The following RP1 variants were observed in gnomAD, a reference collection of about 807,000 sequenced individuals.
The protein encoded by RP1 is oxygen-regulated protein 1.
In RP1, 16 loss-of-function variants were observed where a neutral mutation model predicts 14.8. That is an observed-to-expected ratio of 1.08 (90% CI 0.73 to 1.65). The LOEUF (loss-of-function observed/expected upper bound fraction) is 1.65, where lower values mean the gene tolerates loss of function less well. RP1 is among the 40% of genes most tolerant of loss of function. The pLI is 0.00. For missense variants in RP1, 2,631 were observed against 2,535.0 expected, an observed-to-expected ratio of 1.04 and a Z score of -0.81; for synonymous variants, 876 against 883.6, an observed-to-expected ratio of 0.99 and a Z score of 0.15.
In RP1 at chr8:54,574,277, G is replaced by C. The variant is rs1018958123; in HGVS notation, c.-13+14957G>C. 1.3e-4 allele frequency among the ~76,000 whole-genome samples: 20 copies of C among 152,174 alleles called. 1 individual carries two copies. Among genetic ancestry groups the C allele is most frequent in the African/African-American group, 4.6e-4 (19 of 41,454 alleles). ...GCTCCAGGTGTCATGAAACAACTGTGAAAGAATGCTATTGGGAGCCGAAGC... is the reference window on the plus strand; with the variant it reads ...GCTCCAGGTGTCATGAAACAACTGTCAAAGAATGCTATTGGGAGCCGAAGC... On this transcript the variant is annotated intron_variant, in intron 1 of 22. Coordinates refer to the RP1 transcript ENST00000636932.
chr8:54,758,869 TGCC>T, intron 21 of RP1: 11 of 1,511,814 alleles, frequency 7.3e-6, no homozygotes, highest in Non-Finnish European at 9.7e-6. Flanking sequence ...GCATTTGTCA[TGCC>T]TCGGACTCTA....
At chr8:54,568,274 G>A (rs922225629) in intron 1 of RP1, among the ~76,000 whole-genome samples, 6 of 152,188 alleles carry the variant, frequency 3.9e-5, no homozygotes, top group Admixed American at 2.6e-4. Flanking sequence ...TGGGAAATAT[G>A]CATGGATTAG....
intron 12 of RP1, among the ~76,000 whole-genome samples, chr8:54,680,971 A>G (rs181305119): frequency 9.2e-4 from 139 of 151,834 alleles, no homozygotes; most frequent in African/African-American, 3.3e-3. Context: ...CAAAAAAAAA[A>G]AACAAAAAAG....
At chr8:54,597,655 C>T (rs1805179438) in intron 1 of RP1, among the ~76,000 whole-genome samples, 1 of 152,144 alleles carries the variant, frequency 6.6e-6, no homozygotes, top group East Asian at 1.9e-4. Flanking sequence ...CAAGTTTCCA[C>T]TAAAAAGAAG....
intron 3 of RP1, chr8:54,648,879 A>T: frequency 1.5e-6 from 1 of 650,424 alleles, no homozygotes; most frequent in Non-Finnish European, 2.3e-6. Context: ...GATGAAGAAT[A>T]AGTTTTGTCT....
chr8:54,757,896 T>C (rs189107864), intron 21 of RP1, among the ~76,000 whole-genome samples: 2 of 152,318 alleles, frequency 1.3e-5, no homozygotes, highest in East Asian at 3.9e-4. Context: ...CATCATCTGG[T>C]TTACAGAACC....
At chr8:54,652,225 C>T (rs1233094082) in intron 4 of RP1, among the ~76,000 whole-genome samples, 1 of 152,148 alleles carries the variant, frequency 6.6e-6, no homozygotes, top group Non-Finnish European at 1.5e-5. Context: ...CCAGGCTGGT[C>T]TTGAACTCCT....
chr8:54,565,386 G>A (rs1804380600), intron 1 of RP1, among the ~76,000 whole-genome samples: 1 of 152,252 alleles, frequency 6.6e-6, no homozygotes, highest in East Asian at 1.9e-4. Flanking sequence ...CCAACAGGGC[G>A]AAACTCCGCC....
In RP1 at chr8:54,789,155, C is replaced by G. The variant is rs575448705; in HGVS notation, c.3615+5445C>G. Among the ~76,000 whole-genome samples, 208 of 152,274 alleles carry G rather than the reference C, an allele frequency of 1.4e-3. 1 individual carries two copies. Among genetic ancestry groups the G allele is most frequent in the African/African-American group, 4.9e-3 (203 of 41,564 alleles). ...AAGCATGGCAGGGGTTCACAGCAAC[C>G]AGTGCACAGAACTTGGCGATAGCAC... is the stretch of plus-strand genomic sequence containing the variant. On this transcript the variant is annotated intron_variant, in intron 24 of 28. Transcript: ENST00000637698.
chr8:54,796,101 T>C (rs1178968628), intron 24 of RP1, among the ~76,000 whole-genome samples: 1 of 152,176 alleles, frequency 6.6e-6, no homozygotes, highest in Non-Finnish European at 1.5e-5. Flanking sequence ...GGACAGATAG[T>C]GCAGTGATAG....
At chr8:54,759,555 C>G (rs558636961) in intron 22 of RP1, among the ~76,000 whole-genome samples, 1 of 152,302 alleles carries the variant, frequency 6.6e-6, no homozygotes, top group East Asian at 1.9e-4. Context: ...GAAAGCAGCT[C>G]TCTAAATTCC....
In RP1 at chr8:54,794,446, T is replaced by C. The variant is rs1175360635; in HGVS notation, c.3615+10736T>C. 2.6e-5 allele frequency among the ~76,000 whole-genome samples: 4 copies of C among 151,596 alleles called. 1 individual carries two copies. Among genetic ancestry groups the C allele is most frequent in the Non-Finnish European group, 5.9e-5 (4 of 67,880 alleles). ...ACGACCGTTTGTCAATATTTGACAATGTTTGTCAATATTTGACAAGGGCAC... is the reference window on the plus strand; with the variant it reads ...ACGACCGTTTGTCAATATTTGACAACGTTTGTCAATATTTGACAAGGGCAC... On this transcript the variant is annotated intron_variant, in intron 24 of 28. Transcript: ENST00000637698.
intron 21 of RP1, chr8:54,758,878 C>T: frequency 9.8e-6 from 15 of 1,528,306 alleles, no homozygotes; most frequent in Non-Finnish European, 1.2e-5. Context: ...ATGCCTCGGA[C>T]TCTAGTTATT....
chr8:54,563,958 GT>G (rs1804345345), intron 1 of RP1, among the ~76,000 whole-genome samples: 1 of 152,200 alleles, frequency 6.6e-6, no homozygotes, highest in Non-Finnish European at 1.5e-5. Flanking sequence ...CAGCAGAAAT[GT>G]TGGCTATTTC....
intron 24 of RP1, among the ~76,000 whole-genome samples, chr8:54,791,249 A>G (rs2129384557): frequency 6.6e-6 from 1 of 152,234 alleles, no homozygotes; most frequent in Non-Finnish European, 1.5e-5. Flanking sequence ...TACCCACCAA[A>G]CTTGTCCTTC....
intron 18 of RP1, among the ~76,000 whole-genome samples, chr8:54,735,238 A>G (rs1221079853): frequency 6.6e-6 from 1 of 152,160 alleles, no homozygotes; most frequent in Non-Finnish European, 1.5e-5. Context: ...CCATGTTTTG[A>G]AGCTTTGCCC....
chr8:54,803,494 G>A (rs908653304), intron 24 of RP1, among the ~76,000 whole-genome samples: 1 of 152,104 alleles, frequency 6.6e-6, no homozygotes, highest in Non-Finnish European at 1.5e-5. Flanking sequence ...GAGGGTCCAG[G>A]AAAATGTATA....
chr8:54,709,517 T>A (rs1471194422), intron 15 of RP1, among the ~76,000 whole-genome samples: 1 of 152,132 alleles, frequency 6.6e-6, no homozygotes, highest in Non-Finnish European at 1.5e-5. Flanking sequence ...TTTCACAATT[T>A]GAAAAAAGCC....
At chr8:54,562,295 T>C (rs1210295166) in intron 1 of RP1, among the ~76,000 whole-genome samples, 1 of 152,278 alleles carries the variant, frequency 6.6e-6, no homozygotes, top group Non-Finnish European at 1.5e-5. Context: ...TTAAATTGCA[T>C]GATTCACATC....
Sources: allele counts gnomAD v4.1 joint callset (sites outside exome capture counted in the v4.1 genomes callset), GRCh38; gene constraint gnomAD v4.1.1; transcripts MANE v1.5; gene names NCBI Gene and HGNC (gene_info 2026-07-23, HGNC 2026-07-21).